SPRED2: variants seen among roughly 807,000 people sequenced by gnomAD.
SPRED2 encodes the protein sprouty-related, EVH1 domain-containing protein 2.
SPRED2 carries 47 observed loss-of-function variants against 43.0 expected under a neutral mutation model. That is an observed-to-expected ratio of 1.09 (90% CI 0.87 to 1.40). SPRED2 has a LOEUF of 1.40. Among genes scored for constraint, SPRED2 ranks in the 40% most tolerant of loss-of-function variants. The pLI, the probability that SPRED2 is intolerant of heterozygous loss-of-function variation, is 0.00. For missense variants in SPRED2, 561 were observed against 586.4 expected (o/e 0.96, Z 0.45); for synonymous variants, 225 against 225.7 (o/e 1.00, Z 0.03).
chr2:65,357,799 G>A (rs544616352), intron 1 of SPRED2, among the ~76,000 whole-genome samples: 10 of 152,176 alleles, frequency 6.6e-5, no homozygotes, highest in Non-Finnish European at 1.5e-4. Flanking sequence ...TGTAATGAGT[G>A]CCGTAAGTCA....
intron 2 of SPRED2, among the ~76,000 whole-genome samples, chr2:65,339,295 T>C (rs1410858406): frequency 7.8e-6 from 1 of 127,738 alleles, no homozygotes; most frequent in Admixed American, 8.1e-5. Flanking sequence ...GGGGGCAGGG[T>C]GGGGAAAGGA....
intron 5 of SPRED2, among the ~76,000 whole-genome samples, chr2:65,316,263 A>C (rs1201488958): frequency 2.6e-5 from 4 of 152,192 alleles, no homozygotes; most frequent in African/African-American, 9.6e-5. Context: ...TGTAGCCTGT[A>C]AGGCTGGGGG....
At chr2:65,394,370 G>A (rs1313209820) in intron 1 of SPRED2, among the ~76,000 whole-genome samples, 2 of 152,184 alleles carry the variant, frequency 1.3e-5, no homozygotes, top group East Asian at 1.9e-4. Flanking sequence ...CTGGCGCCCT[G>A]CACAGACCAC....
chr2:65,348,792 T>TA (rs11455990), intron 1 of SPRED2, among the ~76,000 whole-genome samples: 73,187 of 145,682 alleles, frequency 0.5, 17,864 homozygotes, highest in East Asian at 0.7. Context: ...AAACTCCGTC[T>TA]AAAAAAAAAA....
intron 1 of SPRED2, among the ~76,000 whole-genome samples, chr2:65,384,589 C>A (rs1168461674): frequency 1.3e-5 from 2 of 152,148 alleles, no homozygotes; most frequent in African/African-American, 4.8e-5. Flanking sequence ...GGGTGCAGGC[C>A]CGTGAGGCCA....
At chr2:65,330,345 G>T (rs1327533572) in intron 4 of SPRED2, among the ~76,000 whole-genome samples, 1 of 152,166 alleles carries the variant, frequency 6.6e-6, no homozygotes, top group Non-Finnish European at 1.5e-5. Flanking sequence ...GACACTCCTG[G>T]GACAACTGGG....
intron 1 of SPRED2, among the ~76,000 whole-genome samples, chr2:65,404,702 G>A (rs1572897049): frequency 6.6e-6 from 1 of 152,180 alleles, no homozygotes; most frequent in East Asian, 1.9e-4. Flanking sequence ...CCCCAACTTT[G>A]GGACACAAGA....
intron 1 of SPRED2, among the ~76,000 whole-genome samples, chr2:65,418,129 C>A (rs952900305): frequency 1.3e-5 from 2 of 152,226 alleles, no homozygotes; most frequent in Non-Finnish European, 2.9e-5. Flanking sequence ...TATTAGTGGT[C>A]TCCCTGACTC....
intron 1 of SPRED2, among the ~76,000 whole-genome samples, chr2:65,362,371 G>A (rs1220956257): frequency 2.0e-5 from 3 of 151,980 alleles, no homozygotes; most frequent in African/African-American, 4.8e-5. Context: ...CCGGGTTCAC[G>A]CCATTCTCCT....
At chr2:65,390,574 G>A (rs1675609979) in intron 1 of SPRED2, among the ~76,000 whole-genome samples, 1 of 152,152 alleles carries the variant, frequency 6.6e-6, no homozygotes, top group African/African-American at 2.4e-5. Context: ...TTCTGTCAAG[G>A]GCTGTGTGGC....
intron 1 of SPRED2, among the ~76,000 whole-genome samples, chr2:65,415,956 C>A (rs151145384): frequency 4.6e-5 from 7 of 152,228 alleles, no homozygotes; most frequent in Middle Eastern, 3.4e-3. Flanking sequence ...TTAAATACCA[C>A]CCAGTATGAC....
intron 2 of SPRED2, among the ~76,000 whole-genome samples, chr2:65,338,903 G>C (rs1171650649): frequency 4.0e-5 from 6 of 151,738 alleles, no homozygotes; most frequent in African/African-American, 1.5e-4. Context: ...GAGCGTCTCT[G>C]CCCGGCAGCC....
intron 2 of SPRED2, among the ~76,000 whole-genome samples, chr2:65,338,304 GTCTCCC>G (rs1421680620): frequency 1.2e-5 from 1 of 80,304 alleles, no homozygotes; most frequent in African/African-American, 4.7e-5. Context: ...TCCCTCTCCC[GTCTCCC>G]TCTCCCTCTC....
At chr2:65,423,850 C>T (rs1676495320) in intron 1 of SPRED2, among the ~76,000 whole-genome samples, 3 of 151,578 alleles carry the variant, frequency 2.0e-5, no homozygotes, top group Admixed American at 1.3e-4. Context: ...CTCTGCTTAG[C>T]ACGATCTCTG....
intron 1 of SPRED2, among the ~76,000 whole-genome samples, chr2:65,428,618 C>T (rs1048096043): frequency 6.6e-6 from 1 of 152,214 alleles, no homozygotes; most frequent in Non-Finnish European, 1.5e-5. Context: ...AAAATACTTA[C>T]ACCTGTTTTA....
intron 4 of SPRED2, among the ~76,000 whole-genome samples, chr2:65,322,292 A>C (rs1294800935): frequency 1.3e-4 from 9 of 70,798 alleles, no homozygotes; most frequent in African/African-American, 5.0e-4. Flanking sequence ...ATATATATAT[A>C]TATTTTTTTT....
At chr2:65,408,556 A>G (rs1484563186) in intron 1 of SPRED2, among the ~76,000 whole-genome samples, 1 of 151,876 alleles carries the variant, frequency 6.6e-6, no homozygotes, top group Non-Finnish European at 1.5e-5. Flanking sequence ...CGCCAGCCAC[A>G]GGAATTAGTC....
At chr2:65,412,756 T>C (rs563827909) in intron 1 of SPRED2, among the ~76,000 whole-genome samples, 1 of 152,316 alleles carries the variant, frequency 6.6e-6, no homozygotes, top group East Asian at 1.9e-4. Context: ...CTGCACTCTT[T>C]AATCAATCAA....
intron 4 of SPRED2, among the ~76,000 whole-genome samples, chr2:65,318,128 G>T (rs1673299219): frequency 6.6e-6 from 1 of 152,118 alleles, no homozygotes; most frequent in Admixed American, 6.5e-5. Flanking sequence ...AGATCTGATG[G>T]TTTTAAAAAG....
Sources: gnomAD v4.1 joint callset for allele counts (sites outside exome capture counted in the v4.1 genomes callset) on GRCh38, gnomAD v4.1.1 for gene constraint, MANE v1.5 for transcripts, NCBI Gene and HGNC (gene_info 2026-07-23, HGNC 2026-07-21) for gene names.